Variants in SP6 observed in about 807,000 individuals in gnomAD.
SP6 encodes the protein transcription factor Sp6.
A neutral mutation model predicts 23.4 loss-of-function variants in SP6; 10 were observed. That is an observed-to-expected ratio of 0.43 (90% CI 0.26 to 0.72). The LOEUF (loss-of-function observed/expected upper bound fraction) is 0.72, where lower values mean the gene tolerates loss of function less well. Ranked by LOEUF, SP6 falls within the 30% of genes least tolerant of loss-of-function variation. SP6 has a pLI of 0.23. For synonymous variants in SP6, 238 were observed against 238.7 expected (o/e 1.00, Z 0.03); for missense variants, 482 against 523.8 (o/e 0.92, Z 0.78).
chr17:47,848,214 G>C lies in SP6; in HGVS notation c.216C>G (p.Ala72=). 1 of 1,612,838 alleles carries C rather than the reference G, an allele frequency of 6.2e-7. No homozygotes were observed. The change falls in exon 2 of 2, where the codon GCC becomes GCG. Residue 72 remains alanine, a synonymous_variant. Coordinates refer to ENST00000536300, the MANE Select transcript of SP6 (RefSeq NM_001258248.2). This position sits in a 1 kb window ranked among gnomAD's most constrained non-coding sequence, Gnocchi z 5.3. Reference sequence around the variant, plus strand: ...GGTCCTCGCAGGTTACCCGCGAGGAGGCCCCTGGCAGCTCATAGCCCTGCG... The same window carrying C: ...GGTCCTCGCAGGTTACCCGCGAGGACGCCCCTGGCAGCTCATAGCCCTGCG... ...DFSQGYELPG[A]SSRVTCEDLE...
upstream of SP6, among the ~76,000 whole-genome samples, chr17:47,856,028 T>C (rs2033996229): frequency 6.6e-6 from 1 of 152,144 alleles, no homozygotes; most frequent in Non-Finnish European, 1.5e-5. Context: ...AGAGCTGGGA[T>C]AGCTGGAACT....
chr17:47,848,373 G>T lies in SP6; in HGVS notation c.57C>A (p.Ala19=). 1 of 1,570,844 alleles carries T rather than the reference G, an allele frequency of 6.4e-7. No homozygotes were observed. Among genetic ancestry groups the T allele is most frequent in the Middle Eastern group, 2.0e-4 (1 of 5,072 alleles). ...GCTGCAGGTCGAGGCGCGGCGGGGA[G>T]GCGTGCGGCGCTTCCGTGTGCTGGC... ...LGSQHTEAPH[A]SPPRLDLQPL... Residue 19 remains alanine (A), a synonymous_variant, in exon 2 of 2, where the codon GCC becomes GCA. Transcript: ENST00000536300. This position sits in a 1 kb window ranked among gnomAD's most constrained non-coding sequence, Gnocchi z 5.3.
chr17:47,847,735 T>TTGGGGCAGC lies in SP6; in HGVS notation c.686_694dup (p.Pro231_Asn232insSerCysPro). ...CCCCAGTCGCTCCGCCTCCAGACAG[T>TTGGGGCAGC]TGGGGCAGCGACAGACGGTCTGGCC... On this transcript the variant is annotated inframe_insertion, in exon 2 of 2. Transcript: ENST00000536300. 4 of 1,591,058 alleles carry TTGGGGCAGC rather than the reference T, an allele frequency of 2.5e-6. No individual in the cohort carries two copies. The highest frequency in any genetic ancestry group is 3.4e-6 in the Non-Finnish European group (4 of 1,167,420).
At chr17:47,857,247 C>T (rs1325758277), upstream of SP6, among the ~76,000 whole-genome samples, 6 of 152,088 alleles carry the variant, frequency 3.9e-5, no homozygotes, top group Non-Finnish European at 8.8e-5. Flanking sequence ...CCTTCCAGCA[C>T]AGAAAATCAG....
the SP6 span, among the ~76,000 whole-genome samples, chr17:47,871,452 A>G: frequency 6.6e-6 from 1 of 152,196 alleles, no homozygotes; most frequent in Non-Finnish European, 1.5e-5. Context: ...AATAAGAATG[A>G]GAAGTTTGCT....
At chr17:47,859,618 T>G (rs1230378622), upstream of SP6, among the ~76,000 whole-genome samples, 1 of 152,176 alleles carries the variant, frequency 6.6e-6, no homozygotes, top group African/African-American at 2.4e-5. Context: ...TTCCAGAAGC[T>G]CCTCAGCTTG....
rs1567961046 is a variant in SP6, at chr17:47,848,102, GC to G, written c.327del (p.Arg109SerfsTer31). The G allele has an allele frequency of 6.2e-7, 1 of 1,613,610 alleles. No homozygotes were observed. Among genetic ancestry groups the G allele is most frequent in the Non-Finnish European group, 8.5e-7 (1 of 1,179,980 alleles). On this transcript the variant is annotated frameshift_variant, in exon 2 of 2. Transcript: ENST00000536300. LOFTEE classifies it high-confidence loss of function. The surrounding 1 kb of genome is among the most constrained non-coding windows in gnomAD (Gnocchi z 5.3). ...DMSHHYESWF[R>X]PTHPGAEDGS... Reference sequence around the variant, plus strand: ...CCATCCTCCGCGCCTGGGTGAGTCGGCCTGAACCACGATTCATAATGGTGTG... The same window carrying G: ...CCATCCTCCGCGCCTGGGTGAGTCGGCTGAACCACGATTCATAATGGTGTG...
upstream of SP6, among the ~76,000 whole-genome samples, chr17:47,854,602 G>A (rs1222635264): frequency 2.0e-5 from 3 of 152,156 alleles, no homozygotes; most frequent in East Asian, 5.8e-4. Context: ...CCTATCTTGA[G>A]TCTAATGGAC....
the SP6 span, chr17:47,864,469 G>GTGTTATCCAGGC: frequency 6.7e-6 from 1 of 150,170 alleles, no homozygotes; most frequent in African/African-American, 2.5e-5. Flanking sequence ...GTGTCTCGCT[G>GTGTTATCCAGGC]TGTTATCCAG....
chr17:47,868,955 G>C, the SP6 span, among the ~76,000 whole-genome samples: 1 of 152,214 alleles, frequency 6.6e-6, no homozygotes, highest in Non-Finnish European at 1.5e-5. Flanking sequence ...GGGTGGCATC[G>C]GCAGCTTATC....
the SP6 span, among the ~76,000 whole-genome samples, chr17:47,870,550 G>A: frequency 1.3e-5 from 2 of 152,218 alleles, no homozygotes; most frequent in African/African-American, 2.4e-5. Flanking sequence ...CTTGGAGGGG[G>A]TGAACAAAAG....
chr17:47,868,247 T>G, the SP6 span, among the ~76,000 whole-genome samples: 2 of 152,090 alleles, frequency 1.3e-5, no homozygotes, highest in Non-Finnish European at 2.9e-5. Flanking sequence ...CCACTCCCAT[T>G]CGGGCAAGTG....
In SP6 at chr17:47,847,836, C is replaced by T; in HGVS notation, c.594G>A (p.Glu198=). ...CCAGGCTGGAATCCAGCCCTTGAGA[C>T]TCCGGGGCGGCTACTTCCAAGGCCT... ...GAKALEVAAP[E]SQGLDSSLDG... The change falls in exon 2 of 2, where the codon GAG becomes GAA. Residue 198 remains glutamate, a synonymous_variant. Coordinates refer to ENST00000536300, the MANE Select transcript of SP6 (RefSeq NM_001258248.2). 1.3e-6 allele frequency: 2 copies of T among 1,521,566 alleles called. No individual in the cohort carries two copies. The highest frequency in any genetic ancestry group is 1.8e-6 in the Non-Finnish European group (2 of 1,138,338). The allele number at this position is 1,521,566 out of a possible 1,614,324, so 94.3% of individuals were successfully genotyped here. A position where few individuals can be genotyped will look rare whatever the true frequency, so the allele number is the denominator to read the frequency against.
the SP6 span, among the ~76,000 whole-genome samples, chr17:47,870,049 T>G: frequency 2.0e-5 from 3 of 152,150 alleles, no homozygotes; most frequent in Admixed American, 2.0e-4. Flanking sequence ...TCTCAGAGAA[T>G]TTCTGGACTG....
chr17:47,868,125 T>C, the SP6 span, among the ~76,000 whole-genome samples: 3 of 152,156 alleles, frequency 2.0e-5, no homozygotes, highest in Non-Finnish European at 2.9e-5. Context: ...CAGCCCACAG[T>C]GACCACTGGA....
upstream of SP6, among the ~76,000 whole-genome samples, chr17:47,859,521 G>C (rs11079798): frequency 0.12 from 18,476 of 152,214 alleles, 1,402 homozygotes; most frequent in Middle Eastern, 0.21. Flanking sequence ...CATGCCACAG[G>C]GTCCTCAGGC....
In SP6 at chr17:47,847,102, T is replaced by C; in HGVS notation, c.*197A>G. On this transcript the variant is annotated 3_prime_UTR_variant, in exon 2 of 2. Transcript: ENST00000536300. ...CATTGCGCAGCTCCTACCGACCCAGTCAAATTCATCCTGCCTAGTAGCCCC... is the reference window on the plus strand; with the variant it reads ...CATTGCGCAGCTCCTACCGACCCAGCCAAATTCATCCTGCCTAGTAGCCCC... 1 of 611,096 alleles carries C rather than the reference T, an allele frequency of 1.6e-6. No homozygotes were observed. Among genetic ancestry groups the C allele is most frequent in the Non-Finnish European group, 2.8e-6 (1 of 354,396 alleles). The allele number at this position is 611,096 out of a possible 1,614,324, so 37.9% of individuals were successfully genotyped here.
At chr17:47,866,532 G>T in the SP6 span, among the ~76,000 whole-genome samples, 7 of 152,222 alleles carry the variant, frequency 4.6e-5, no homozygotes, top group African/African-American at 1.7e-4. Flanking sequence ...AACCATTCCA[G>T]TGATGTGGAA....
At chr17:47,849,849 G>T (rs1235506325) in intron 1 of SP6, among the ~76,000 whole-genome samples, 1 of 152,212 alleles carries the variant, frequency 6.6e-6, no homozygotes, top group African/African-American at 2.4e-5. Context: ...GGGCAGGTTT[G>T]TGTGCCTGGG....
Sources: gnomAD v4.1 joint callset for allele counts (sites outside exome capture counted in the v4.1 genomes callset) on GRCh38, gnomAD v4.1.1 for gene constraint, Gnocchi (gnomAD v3.1) non-coding constraint, MANE v1.5 for transcripts, NCBI Gene and HGNC (gene_info 2026-07-23, HGNC 2026-07-21) for gene names.